RBM27: variants seen among roughly 807,000 people sequenced by gnomAD.
The protein encoded by RBM27 is RNA-binding protein 27.
RBM27 carries 22 observed loss-of-function variants against 135.3 expected under a neutral mutation model. The observed-to-expected ratio is 0.16, with a 90% confidence interval of 0.12 to 0.23. The LOEUF is 0.23. RBM27 is among the 10% of genes least tolerant of loss of function. The pLI, the probability that RBM27 is intolerant of heterozygous loss-of-function variation, is 1.00. For synonymous variants in RBM27, 481 were observed against 442.4 expected (o/e 1.09, Z -1.10); for missense variants, 1,009 against 1,281.0 (o/e 0.79, Z 3.24).
chr5:146,240,322 G>GTCTA (rs1554080471), intron 8 of RBM27, among the ~76,000 whole-genome samples: 1 of 151,796 alleles, frequency 6.6e-6, no homozygotes, highest in East Asian at 1.9e-4. Context: ...CTGTCTGTCT[G>GTCTA]TCTGTCTGTC....
intron 9 of RBM27, among the ~76,000 whole-genome samples, chr5:146,253,508 T>C (rs1355428312): frequency 1.3e-5 from 2 of 151,974 alleles, no homozygotes; most frequent in Non-Finnish European, 2.9e-5. Context: ...CAGTTCTTAA[T>C]CTAGTGATGC....
intron 3 of RBM27, 152 bp downstream of exon 3, chr5:146,223,679 G>A: frequency 2.3e-6 from 2 of 887,954 alleles, no homozygotes; most frequent in Non-Finnish European, 3.2e-6. Flanking sequence ...GGATTTCATA[G>A]TTGCTTGGAC....
At position 146,203,840 on chromosome 5, in the gene RBM27, T is replaced by TGGGCCG. The variant is rs1755494059; in HGVS notation, c.59+24_59+29dup. The TGGGCCG allele has an allele frequency of 8.7e-7, 1 of 1,144,980 alleles. No homozygotes were observed. Among genetic ancestry groups the TGGGCCG allele is most frequent in the South Asian group, 1.7e-5 (1 of 58,780 alleles). 70.9% of individuals were successfully genotyped at this position (1,144,980 alleles called of 1,614,324 possible). On this transcript the variant is annotated intron_variant, in intron 1 of 20. Transcript: ENST00000265271. ...TGGAGCCGATGTGAGTGAGCCGGGC[T>TGGGCCG]GGGCCGGGGCCGGCGAACGTGGGCG...
chr5:146,225,496 T>C (rs1281411133), intron 3 of RBM27, among the ~76,000 whole-genome samples: 1 of 152,122 alleles, frequency 6.6e-6, no homozygotes, highest in Non-Finnish European at 1.5e-5. Flanking sequence ...TCTTTCAAAA[T>C]TGGAGAGGCT....
chr5:146,222,431 C>G (rs894733430), intron 2 of RBM27, among the ~76,000 whole-genome samples: 2 of 152,188 alleles, frequency 1.3e-5, no homozygotes, highest in South Asian at 4.1e-4. Context: ...TGCCTGTAAT[C>G]CCAGCACTTT....
At chr5:146,207,640 A>G (rs1242414954) in intron 1 of RBM27, among the ~76,000 whole-genome samples, 2 of 150,456 alleles carry the variant, frequency 1.3e-5, no homozygotes, top group Non-Finnish European at 3.0e-5. Flanking sequence ...AAACATATGC[A>G]TGTAACGGGA....
intron 11 of RBM27, among the ~76,000 whole-genome samples, chr5:146,259,568 G>A (rs1758283521): frequency 6.7e-6 from 1 of 149,962 alleles, no homozygotes; most frequent in Non-Finnish European, 1.5e-5. Context: ...TAGAGTCTTT[G>A]ATAATTGTGG....
At chr5:146,274,565 G>A (rs374935662) in intron 19 of RBM27, among the ~76,000 whole-genome samples, 1 of 152,094 alleles carries the variant, frequency 6.6e-6, no homozygotes, top group Non-Finnish European at 1.5e-5. Context: ...CACCGTGCCC[G>A]GCCCACACAT....
At chr5:146,262,240 A>G (rs904869006) in intron 13 of RBM27, among the ~76,000 whole-genome samples, 2 of 152,192 alleles carry the variant, frequency 1.3e-5, no homozygotes, top group Non-Finnish European at 2.9e-5. Flanking sequence ...TATGCACCCT[A>G]AAGTATAATA....
chr5:146,267,962 AT>A (rs1758689625), intron 15 of RBM27, among the ~76,000 whole-genome samples, 194 bp downstream of exon 15: 2 of 151,694 alleles, frequency 1.3e-5, no homozygotes, highest in African/African-American at 4.8e-5. Context: ...GCCATTCAGA[AT>A]TTTTTTTTGA....
chr5:146,277,040 C>T (rs993585895), intron 19 of RBM27, among the ~76,000 whole-genome samples: 4 of 152,130 alleles, frequency 2.6e-5, no homozygotes, highest in South Asian at 2.1e-4. Flanking sequence ...ATATAATTTT[C>T]GTAGCTAGTT....
chr5:146,238,184 G>A (rs983459928), intron 8 of RBM27, among the ~76,000 whole-genome samples: 4 of 152,250 alleles, frequency 2.6e-5, no homozygotes, highest in African/African-American at 9.6e-5. Context: ...TATTTAGGCT[G>A]TTTGTGACAT....
At chr5:146,268,814 C>T (rs996238356) in intron 15 of RBM27, among the ~76,000 whole-genome samples, 1 of 152,004 alleles carries the variant, frequency 6.6e-6, no homozygotes, top group Non-Finnish European at 1.5e-5. Context: ...GCATTCCTAC[C>T]ACCTCAGCCT....
chr5:146,286,478 C>G lies in RBM27; in HGVS notation c.*448C>G, dbSNP rs1477205065. On this transcript the variant is annotated 3_prime_UTR_variant, in exon 21 of 21. Coordinates refer to ENST00000265271, the MANE Select transcript of RBM27 (RefSeq NM_018989.2). ...AGGAAATATTTGTAATTAAAATACCCTTTTGCTTTCAAGAGTGGTCTTGGA... is the reference window on the plus strand; with the variant it reads ...AGGAAATATTTGTAATTAAAATACCGTTTTGCTTTCAAGAGTGGTCTTGGA... The G allele has an allele frequency of 1.3e-5, 2 of 151,354 alleles. No individual in the cohort carries two copies. The highest frequency in any genetic ancestry group is 4.9e-5 in the African/African-American group (2 of 41,200). The allele number at this position is 151,354 out of a possible 1,614,324, so 9.4% of individuals were successfully genotyped here.
chr5:146,230,859 C>T lies in RBM27; in HGVS notation c.792C>T (p.Ser264=). The T allele has an allele frequency of 6.2e-7, 1 of 1,614,134 alleles. No homozygotes were observed. Among genetic ancestry groups the T allele is most frequent in the Non-Finnish European group, 8.5e-7 (1 of 1,180,018 alleles). The change falls in exon 6 of 21, where the codon AGC becomes AGT. Residue 264 remains serine (S), a synonymous_variant. Transcript: ENST00000265271. ...GGTCTAATTACTATAACAATCATAGCTCTTCCAATTCTTTTGGTCGAAACC... is the reference window on the plus strand; with the variant it reads ...GGTCTAATTACTATAACAATCATAGTTCTTCCAATTCTTTTGGTCGAAACC... ...ESWSNYYNNH[S]SSNSFGRNLP...
chr5:146,252,090 A>G (rs962003860), intron 9 of RBM27, among the ~76,000 whole-genome samples: 1 of 152,120 alleles, frequency 6.6e-6, no homozygotes, highest in Non-Finnish European at 1.5e-5. Flanking sequence ...GGTGTCCTCT[A>G]TATTTACTTT....
At chr5:146,277,928 A>C (rs1759163228) in intron 19 of RBM27, among the ~76,000 whole-genome samples, 2 of 152,160 alleles carry the variant, frequency 1.3e-5, no homozygotes, top group African/African-American at 2.4e-5. Flanking sequence ...CTACTTAGTC[A>C]GTGTGACTGC....
chr5:146,258,675 A>C, intron 11 of RBM27, 82 bp downstream of exon 11: 1 of 1,262,652 alleles, frequency 7.9e-7, no homozygotes, highest in Non-Finnish European at 1.0e-6. Flanking sequence ...ATTTGTCATT[A>C]ATTAATGTTT....
At chr5:146,284,920 A>G (rs1190793114) in intron 20 of RBM27, among the ~76,000 whole-genome samples, 188 bp downstream of exon 20, 1 of 152,050 alleles carries the variant, frequency 6.6e-6, no homozygotes, top group Non-Finnish European at 1.5e-5. Context: ...GTTAGGGGTT[A>G]TTTTCTTCTG....
Sources: allele counts gnomAD v4.1 joint callset (sites outside exome capture counted in the v4.1 genomes callset), GRCh38; gene constraint gnomAD v4.1.1; transcripts MANE v1.5; gene names NCBI Gene and HGNC (gene_info 2026-07-23, HGNC 2026-07-21).